Variants in GSE1 observed in about 807,000 individuals in gnomAD.
The protein encoded by GSE1 is genetic suppressor element 1.
A neutral mutation model predicts 112.6 loss-of-function variants in GSE1; 32 were observed. That is an observed-to-expected ratio of 0.28 (90% CI 0.21 to 0.38). The LOEUF (loss-of-function observed/expected upper bound fraction) is 0.38. Ranked by LOEUF, GSE1 falls within the 10% of genes least tolerant of loss-of-function variation. The pLI is 1.00. For synonymous variants in GSE1, 1,115 were observed against 735.6 expected (o/e 1.52, Z -8.35); for missense variants, 2,348 against 1,699.2 (o/e 1.38, Z -6.71).
At chr16:85,536,972 CGT>C (rs1243644703) in intron 2 of GSE1, among the ~76,000 whole-genome samples, 6 of 152,190 alleles carry the variant, frequency 3.9e-5, no homozygotes, top group African/African-American at 1.2e-4. Context: ...GGACGCCTGA[CGT>C]GGTCATTGAG....
chr16:85,294,688 T>TC (rs1216908647), intron 1 of GSE1, among the ~76,000 whole-genome samples: 13 of 24,680 alleles, frequency 5.3e-4, no homozygotes, highest in Non-Finnish European at 8.9e-4. Context: ...CTTCCCTCCC[T>TC]CCCCACCCCC....
In GSE1 at chr16:85,656,654, C is replaced by T. The variant is rs2051982814; in HGVS notation, c.1301C>T (p.Pro434Leu). ...ERGKPSEQLT[P>L]TRAEKLKDAG... The stretch of plus-strand genomic sequence containing the variant: ...GGCAAGCCCTCGGAGCAGCTGACCC[C>T]AACCCGAGCAGGTACCTGGGCGTGG... The change falls in exon 7 of 16, where the codon CCA becomes CTA. Residue 434 changes from proline to leucine, a missense_variant. Pro to Leu is a moderately conservative substitution (Grantham distance 98, BLOSUM62 -3). Transcript: ENST00000253458. The T allele has an allele frequency of 9.2e-6, 14 of 1,519,182 alleles. No individual in the cohort carries two copies. Among genetic ancestry groups the T allele is most frequent in the Middle Eastern group, 2.0e-4 (1 of 5,124 alleles). The allele number at this position is 1,519,182 out of a possible 1,614,324, so 94.1% of individuals were successfully genotyped here. A position where few individuals can be genotyped will look rare whatever the true frequency, so the allele number is the denominator to read the frequency against.
intron 2 of GSE1, among the ~76,000 whole-genome samples, chr16:85,464,600 G>T (rs946240093): frequency 6.6e-6 from 1 of 152,172 alleles, no homozygotes; most frequent in African/African-American, 2.4e-5. Flanking sequence ...TGGTCATGCC[G>T]GTTGCACAGG....
chr16:85,249,585 G>A (rs993803574), intron 1 of GSE1, among the ~76,000 whole-genome samples: 3 of 152,216 alleles, frequency 2.0e-5, no homozygotes, highest in Admixed American at 2.0e-4. Context: ...TTGTCACTCC[G>A]TGGAGCAACA....
chr16:85,657,164 A>G (rs971058020), intron 7 of GSE1, 113 bp from the exon 8 acceptor site: 7 of 716,184 alleles, frequency 9.8e-6, no homozygotes, highest in Non-Finnish European at 1.3e-5. Flanking sequence ...GGCTGCGGGA[A>G]GAACCCTTTG....
chr16:85,414,195 A>G (rs1417971690), intron 2 of GSE1, among the ~76,000 whole-genome samples: 1 of 152,218 alleles, frequency 6.6e-6, no homozygotes, highest in African/African-American at 2.4e-5. Flanking sequence ...TGAGGAGTCA[A>G]GCTAGACACA....
At chr16:85,656,048 A>G (rs1254071642) in intron 6 of GSE1, 131 bp downstream of exon 6, 1 of 719,340 alleles carries the variant, frequency 1.4e-6, no homozygotes, top group Middle Eastern at 4.0e-4. Context: ...CCACCTGCCA[A>G]ATGGGACAAT....
intron 1 of GSE1, among the ~76,000 whole-genome samples, chr16:85,575,520 G>A (rs2046195056): frequency 6.6e-6 from 1 of 151,984 alleles, no homozygotes; most frequent in Non-Finnish European, 1.5e-5. Flanking sequence ...TCCTCCTTGG[G>A]CTTTCACATT....
intron 1 of GSE1, among the ~76,000 whole-genome samples, chr16:85,233,807 C>G (rs577228943): frequency 6.6e-6 from 1 of 152,308 alleles, no homozygotes; most frequent in East Asian, 1.9e-4. Context: ...GCTGGACCAG[C>G]CCAGGTGAGG....
At chr16:85,248,897 C>T (rs2144009128) in intron 1 of GSE1, among the ~76,000 whole-genome samples, 1 of 152,298 alleles carries the variant, frequency 6.6e-6, no homozygotes, top group African/African-American at 2.4e-5. Flanking sequence ...GCACTGGGCA[C>T]CCCCGTGGAG....
At chr16:85,595,947 T>G in intron 1 of GSE1, among the ~76,000 whole-genome samples, 1 of 54,112 alleles carries the variant, frequency 1.8e-5, no homozygotes, top group East Asian at 5.7e-4. Flanking sequence ...CACCCACCCA[T>G]TCCTCCGCCC....
In GSE1 at chr16:85,184,216, G is replaced by T. The variant is rs575262988; in HGVS notation, c.2283+12409G>T. On this transcript the variant is annotated intron_variant, in intron 1 of 2. Coordinates refer to the GSE1 transcript ENST00000637419. ...CTTCTGGACCCCATTTGTGACTCAG[G>T]CCTGTCTTTTTGTTGTTTCTGGTTC... 4.1e-4 allele frequency among the ~76,000 whole-genome samples: 63 copies of T among 152,282 alleles called. 1 individual carries two copies. The South Asian group carries it at 0.013, about 31-fold the overall frequency.
intron 1 of GSE1, among the ~76,000 whole-genome samples, chr16:85,228,576 C>T (rs1254883741): frequency 6.6e-6 from 1 of 152,172 alleles, no homozygotes; most frequent in East Asian, 1.9e-4. Flanking sequence ...TTGGAGTTGC[C>T]GTGGGCATTC....
At chr16:85,198,679 A>T (rs2074973488) in intron 1 of GSE1, among the ~76,000 whole-genome samples, 1 of 152,040 alleles carries the variant, frequency 6.6e-6, no homozygotes, top group African/African-American at 2.4e-5. Flanking sequence ...CCCCCATTTG[A>T]TTCCGCCCTA....
intron 1 of GSE1, among the ~76,000 whole-genome samples, chr16:85,194,336 A>G (rs2074886201): frequency 6.6e-6 from 1 of 152,178 alleles, no homozygotes; most frequent in African/African-American, 2.4e-5. Flanking sequence ...TAGGGAGGCC[A>G]GTGGATTCGC....
intron 1 of GSE1, among the ~76,000 whole-genome samples, chr16:85,571,996 A>T (rs558569650): frequency 6.6e-6 from 1 of 152,120 alleles, no homozygotes; most frequent in East Asian, 1.9e-4. Flanking sequence ...CATCAGTACT[A>T]GTGTCTAGTG....
In GSE1 at chr16:85,633,273, TCAGA is replaced by T. The variant is rs1290670971; in HGVS notation, c.8-636_8-633del. On this transcript the variant is annotated intron_variant, in intron 1 of 15. Coordinates refer to ENST00000253458, the MANE Select transcript of GSE1 (RefSeq NM_014615.5). ...TGTGGCCCCATCTCTGGGACCCCTC[TCAGA>T]CAGAGACGCACAGGGTCCCTGAGTG... 3.3e-5 allele frequency among the ~76,000 whole-genome samples: 5 copies of T among 152,326 alleles called. No individual in the cohort carries two copies. In the East Asian group the frequency reaches 7.7e-4, roughly 24 times the overall value.
chr16:85,481,200 C>G (rs372095146), intron 2 of GSE1, among the ~76,000 whole-genome samples: 3 of 152,234 alleles, frequency 2.0e-5, no homozygotes, highest in African/African-American at 7.2e-5. Context: ...AGCCTCAGCA[C>G]CTGGTGTAGC....
chr16:85,646,626 C>T (rs1410359686), intron 2 of GSE1, among the ~76,000 whole-genome samples: 2 of 152,148 alleles, frequency 1.3e-5, no homozygotes, highest in African/African-American at 2.4e-5. Flanking sequence ...GGGAAGGGGG[C>T]TTGGGGAGGG....
Sources: gnomAD v4.1 joint callset for allele counts (sites outside exome capture counted in the v4.1 genomes callset) on GRCh38, gnomAD v4.1.1 for gene constraint, MANE v1.5 for transcripts, NCBI Gene and HGNC (gene_info 2026-07-23, HGNC 2026-07-21) for gene names.